Variants in CEP128 observed in about 807,000 individuals in gnomAD.
CEP128 encodes the protein centrosomal protein 128, also known as centrosomal protein 128kDa.
In CEP128, 132 loss-of-function variants were observed where a neutral mutation model predicts 156.7. That is an observed-to-expected ratio of 0.84 (90% CI 0.73 to 0.97). The LOEUF is 0.97. Ranked by LOEUF, CEP128 falls within the 50% of genes least tolerant of loss-of-function variation. CEP128 has a pLI of 0.00. For synonymous variants in CEP128, 469 were observed against 448.9 expected (o/e 1.04, Z -0.57); for missense variants, 1,252 against 1,281.9 (o/e 0.98, Z 0.36).
intron 8 of CEP128, among the ~76,000 whole-genome samples, chr14:80,871,128 T>C (rs1323547757): frequency 6.6e-6 from 1 of 151,788 alleles, no homozygotes; most frequent in Non-Finnish European, 1.5e-5. Context: ...AATCAAGATA[T>C]ACAGAGAAAG....
chr14:80,579,151 G>A (rs1205748188), intron 20 of CEP128, among the ~76,000 whole-genome samples: 2 of 152,092 alleles, frequency 1.3e-5, no homozygotes, highest in African/African-American at 4.8e-5. Context: ...ATGTTATTCT[G>A]GGTAAACACA....
chr14:80,754,277 T>C (rs1899531162), intron 18 of CEP128, among the ~76,000 whole-genome samples: 1 of 152,184 alleles, frequency 6.6e-6, no homozygotes, highest in African/African-American at 2.4e-5. Flanking sequence ...GTTCTGTGCC[T>C]TTCCTAGAAC....
intron 16 of CEP128, among the ~76,000 whole-genome samples, chr14:80,763,095 T>C (rs890444026): frequency 3.3e-5 from 5 of 152,206 alleles, no homozygotes; most frequent in African/African-American, 1.2e-4. Flanking sequence ...AGGCAAACTA[T>C]AATCAGACTA....
chr14:80,668,566 T>A (rs940271586), intron 19 of CEP128, among the ~76,000 whole-genome samples: 4 of 152,092 alleles, frequency 2.6e-5, no homozygotes, highest in African/African-American at 9.7e-5. Context: ...AAGAATAGAT[T>A]GAGAGGTCCC....
Position 80,785,403 on chromosome 14 carries a change from C to T in CEP128, c.1703G>A (p.Arg568His), listed in dbSNP as rs769642698. The change falls in exon 15 of 25, where the codon CGT becomes CAT. Residue 568 changes from arginine (R) to histidine (H), a missense_variant. By Grantham distance (29) the Arg-to-His change is conservative. Coordinates refer to ENST00000555265, the MANE Select transcript of CEP128 (RefSeq NM_152446.5). ...EELHSKEEKL[R>H]DIKSHQADLE... ...GTCAGCTTGATGAGACTTAATATCA[C>T]GTAATTTCTCCTCCTTGGAGTGAAG... 4.8e-5 allele frequency: 77 copies of T among 1,614,088 alleles called. No homozygotes were observed. The highest frequency in any genetic ancestry group is 6.7e-5 in the African/African-American group (5 of 75,046).
chr14:80,809,905 T>C (rs1269934865), intron 13 of CEP128, among the ~76,000 whole-genome samples: 1 of 151,362 alleles, frequency 6.6e-6, no homozygotes, highest in Non-Finnish European at 1.5e-5. Flanking sequence ...CACATGAAGA[T>C]ATAAAACTCA....
At position 80,926,260 on chromosome 14, in the gene CEP128, T is replaced by C. The variant is rs904015751; in HGVS notation, c.-15-9698A>G. Among the ~76,000 whole-genome samples the C allele has an allele frequency of 4.7e-4, 72 of 152,256 alleles. No individual in the cohort carries two copies. In the Middle Eastern group the frequency reaches 0.02, roughly 43 times the overall value. On this transcript the variant is annotated intron_variant, in intron 2 of 24. Transcript: ENST00000555265. Reference sequence around the variant, plus strand: ...TTTCTGTGTCAGTTGGGAACACTTATGGCTTGGGACAGTTTTGAGGGCTGC... The same window carrying C: ...TTTCTGTGTCAGTTGGGAACACTTACGGCTTGGGACAGTTTTGAGGGCTGC...
chr14:80,648,683 A>G (rs575287146), intron 19 of CEP128, among the ~76,000 whole-genome samples: 4 of 152,276 alleles, frequency 2.6e-5, no homozygotes, highest in African/African-American at 9.6e-5. Context: ...AAGAGTGGTA[A>G]AAGTTCACCT....
At chr14:80,717,989 G>GTGTGTATGTGTA (rs201148721) in intron 19 of CEP128, among the ~76,000 whole-genome samples, 23 of 151,980 alleles carry the variant, frequency 1.5e-4, no homozygotes, top group Admixed American at 2.6e-4. Flanking sequence ...TAACTTGTGT[G>GTGTGTATGTGTA]TGTGTATGTG....
intron 13 of CEP128, among the ~76,000 whole-genome samples, chr14:80,806,282 A>C (rs1292965231): frequency 6.6e-6 from 1 of 152,194 alleles, no homozygotes; most frequent in Non-Finnish European, 1.5e-5. Flanking sequence ...ACTTAAGCAA[A>C]CTACAGAAAA....
intron 2 of CEP128, among the ~76,000 whole-genome samples, chr14:80,935,002 A>G (rs1262367048): frequency 6.6e-6 from 1 of 152,184 alleles, no homozygotes; most frequent in Non-Finnish European, 1.5e-5. Flanking sequence ...TGATCCTCAT[A>G]ACATTATTAT....
At chr14:80,817,930 GAAGA>G (rs1884959768) in intron 13 of CEP128, among the ~76,000 whole-genome samples, 1 of 151,770 alleles carries the variant, frequency 6.6e-6, no homozygotes, top group Admixed American at 6.6e-5. Context: ...TGAGTTGGCA[GAAGA>G]AAGAATCCAC....
At position 80,678,261 on chromosome 14, in the gene CEP128, C is replaced by T. The variant is rs534154139; in HGVS notation, c.2806+64814G>A. Among the ~76,000 whole-genome samples the T allele has an allele frequency of 2.8e-4, 42 of 151,458 alleles. 1 individual carries two copies. The highest frequency in any genetic ancestry group is 9.5e-4 in the African/African-American group (39 of 41,222). On this transcript the variant is annotated intron_variant, in intron 19 of 24. Coordinates refer to ENST00000555265, the MANE Select transcript of CEP128 (RefSeq NM_152446.5). ...TGTAGCCATTGGGGATAGTCCAAAT[C>T]TCACTGAAAAAGAAATTCAAAAGCT...
chr14:80,746,404 G>A (rs1409683494), intron 18 of CEP128, among the ~76,000 whole-genome samples: 2 of 152,136 alleles, frequency 1.3e-5, no homozygotes, highest in Non-Finnish European at 1.5e-5. Context: ...CAGACCGATG[G>A]AACAGAAGTG....
intron 2 of CEP128, among the ~76,000 whole-genome samples, chr14:80,950,046 A>T (rs1184755380): frequency 1.3e-5 from 2 of 152,232 alleles, no homozygotes; most frequent in African/African-American, 4.8e-5. Context: ...TGAGGTTATA[A>T]TGGATTAGCA....
chr14:80,628,034 G>C (rs1404406557), intron 19 of CEP128, among the ~76,000 whole-genome samples: 1 of 152,158 alleles, frequency 6.6e-6, no homozygotes, highest in African/African-American at 2.4e-5. Flanking sequence ...AGCTTCGGGA[G>C]TAAGCGTACT....
At chr14:80,556,404 T>C (rs1890437890) in intron 21 of CEP128, among the ~76,000 whole-genome samples, 1 of 152,168 alleles carries the variant, frequency 6.6e-6, no homozygotes, top group African/African-American at 2.4e-5. Context: ...CTACAAATGT[T>C]TATTGATTGT....
At chr14:80,668,454 A>C (rs954877317) in intron 19 of CEP128, among the ~76,000 whole-genome samples, 7 of 152,216 alleles carry the variant, frequency 4.6e-5, no homozygotes, top group Admixed American at 2.0e-4. Flanking sequence ...TGAAGAGTAA[A>C]TTACAGAATT....
At chr14:80,538,805 C>T (rs558695846) in intron 21 of CEP128, among the ~76,000 whole-genome samples, 2 of 152,296 alleles carry the variant, frequency 1.3e-5, no homozygotes, top group East Asian at 3.9e-4. Flanking sequence ...TTAGTCATCA[C>T]TTCCTCAGGG....
Sources: allele counts gnomAD v4.1 joint callset (sites outside exome capture counted in the v4.1 genomes callset), GRCh38; gene constraint gnomAD v4.1.1; transcripts MANE v1.5; gene names NCBI Gene and HGNC (gene_info 2026-07-23, HGNC 2026-07-21).